Variants in PTPRK observed in about 807,000 individuals in gnomAD.
The protein encoded by PTPRK is receptor-type tyrosine-protein phosphatase kappa.
A neutral mutation model predicts 178.0 loss-of-function variants in PTPRK; 75 were observed. The observed-to-expected ratio is 0.42, with a 90% CI of 0.35 to 0.51. The LOEUF is 0.51. Ranked by LOEUF, PTPRK falls within the 20% of genes least tolerant of loss-of-function variation. PTPRK has a pLI of 0.02. For synonymous variants in PTPRK, 637 were observed against 620.6 expected (o/e 1.03, Z -0.39); for missense variants, 1,441 against 1,797.8 (o/e 0.80, Z 3.59).
At chr6:127,986,621 G>C (rs945599721) in intron 21 of PTPRK, among the ~76,000 whole-genome samples, 24 of 152,024 alleles carry the variant, frequency 1.6e-4, no homozygotes, top group African/African-American at 2.4e-5. Context: ...GCACAGCTTG[G>C]AAGGTATAGA....
At chr6:128,373,694 C>A (rs941176034) in intron 2 of PTPRK, among the ~76,000 whole-genome samples, 2 of 151,904 alleles carry the variant, frequency 1.3e-5, no homozygotes, top group Non-Finnish European at 2.9e-5. Flanking sequence ...GGTAACTATG[C>A]GATCAATATG....
intron 11 of PTPRK, among the ~76,000 whole-genome samples, 183 bp downstream of exon 11, chr6:128,078,630 T>C (rs1421864800): frequency 6.6e-6 from 1 of 152,088 alleles, no homozygotes; most frequent in Admixed American, 6.6e-5. Context: ...TTATTGATTG[T>C]TGTGAATCTC....
chr6:128,041,160 G>A (rs190969921), intron 13 of PTPRK, among the ~76,000 whole-genome samples: 53 of 151,920 alleles, frequency 3.5e-4, no homozygotes, highest in African/African-American at 1.2e-3. Flanking sequence ...TGAGAAAACC[G>A]ATCACACAAA....
intron 3 of PTPRK, among the ~76,000 whole-genome samples, chr6:128,268,495 T>C (rs1309665516): frequency 6.6e-6 from 1 of 152,002 alleles, no homozygotes; most frequent in Admixed American, 6.6e-5. Context: ...GATTTCGCCT[T>C]TCTTGGGAAT....
chr6:128,393,558 C>T lies in PTPRK; in HGVS notation c.223+4008G>A, dbSNP rs186483104. 1.9e-4 allele frequency among the ~76,000 whole-genome samples: 29 copies of T among 152,154 alleles called. No individual in the cohort carries two copies. In the East Asian group the frequency reaches 2.7e-3, roughly 14 times the overall value. ...GAAAATCTTCTCAAAGCAGGTAGAACGTGAGAAGACACAGTAAAAATGGGT... is the reference window on the plus strand; with the variant it reads ...GAAAATCTTCTCAAAGCAGGTAGAATGTGAGAAGACACAGTAAAAATGGGT... On this transcript the variant is annotated intron_variant, in intron 2 of 29. Coordinates refer to ENST00000368226, the MANE Select transcript of PTPRK (RefSeq NM_002844.4).
At chr6:128,417,175 A>T (rs973899424) in intron 1 of PTPRK, among the ~76,000 whole-genome samples, 2 of 151,654 alleles carry the variant, frequency 1.3e-5, no homozygotes, top group African/African-American at 4.8e-5. Flanking sequence ...TTGAGCTAAC[A>T]TTTACGTTTT....
intron 13 of PTPRK, among the ~76,000 whole-genome samples, chr6:128,030,685 T>G (rs573111769): frequency 1.3e-5 from 2 of 152,360 alleles, no homozygotes; most frequent in South Asian, 4.1e-4. Flanking sequence ...GCTGATCAGA[T>G]AGCAGCTGGA....
Position 128,226,753 on chromosome 6 carries a change from TATATAGAC to T in PTPRK, c.694-7665_694-7658del, listed in dbSNP as rs1811367997. ...ATCCTACTATATGTAATCTTATAATTATATAGACATATATATATATATATATATATATA... is the reference window on the plus strand; with the variant it reads ...ATCCTACTATATGTAATCTTATAATTATATATATATATATATATATATATA... On this transcript the variant is annotated intron_variant, in intron 5 of 29. Coordinates refer to ENST00000368226, the MANE Select transcript of PTPRK (RefSeq NM_002844.4). 1.1e-4 allele frequency among the ~76,000 whole-genome samples: 11 copies of T among 95,952 alleles called. 1 individual carries two copies. The Admixed American group carries it at 1.5e-3, about 13-fold the overall frequency. 62.9% of individuals were successfully genotyped at this position (95,952 alleles called of 152,430 possible). A position where few individuals can be genotyped will look rare whatever the true frequency, so the allele number is the denominator to read the frequency against.
At chr6:128,159,220 C>T (rs1177862498) in intron 7 of PTPRK, among the ~76,000 whole-genome samples, 1 of 151,668 alleles carries the variant, frequency 6.6e-6, no homozygotes, top group Non-Finnish European at 1.5e-5. Flanking sequence ...AATTCTGAAA[C>T]CTAAATGATC....
chr6:128,351,929 T>G (rs1275706342), intron 2 of PTPRK, among the ~76,000 whole-genome samples: 1 of 152,056 alleles, frequency 6.6e-6, no homozygotes, highest in Non-Finnish European at 1.5e-5. Context: ...ATTTTTCTAT[T>G]GGGCCTTCTG....
intron 7 of PTPRK, among the ~76,000 whole-genome samples, chr6:128,172,063 G>A (rs1206734768): frequency 6.6e-6 from 1 of 151,834 alleles, no homozygotes; most frequent in Non-Finnish European, 1.5e-5. Flanking sequence ...TTAAAAATGG[G>A]CTTACTGGTT....
chr6:128,184,670 C>T lies in PTPRK; in HGVS notation c.924G>A (p.Leu308=). 6.2e-7 allele frequency: 1 copy of T among 1,613,944 alleles called. No individual in the cohort carries two copies. The highest frequency in any genetic ancestry group is 8.5e-7 in the Non-Finnish European group (1 of 1,179,936). Residue 308 remains leucine, a synonymous_variant, in exon 7 of 30, where the codon TTG becomes TTA. Transcript: ENST00000368226. ...PQLLGVGPTY[L]LIQLNANSII... is the part of the protein sequence containing the mutation. ...TCGAGTTGGCATTTAGTTGGATCAGCAAATATGTAGGCCCAACACCAAGAA... is the reference window on the plus strand; with the variant it reads ...TCGAGTTGGCATTTAGTTGGATCAGTAAATATGTAGGCCCAACACCAAGAA...
intron 25 of PTPRK, among the ~76,000 whole-genome samples, chr6:127,979,605 G>A (rs1295093889): frequency 6.6e-6 from 1 of 152,200 alleles, no homozygotes; most frequent in Admixed American, 6.5e-5. Flanking sequence ...GCTTTTCACA[G>A]GCAAGAGTGA....
At chr6:128,117,171 T>A (rs975037040) in intron 7 of PTPRK, among the ~76,000 whole-genome samples, 1 of 151,766 alleles carries the variant, frequency 6.6e-6, no homozygotes, top group Non-Finnish European at 1.5e-5. Context: ...AAAATAAAAA[T>A]AAAAAATAAA....
At position 128,020,365 on chromosome 6, in the gene PTPRK, A is replaced by G. The variant is rs191858184; in HGVS notation, c.2195-11097T>C. On this transcript the variant is annotated intron_variant, in intron 13 of 29. Coordinates refer to ENST00000368226, the MANE Select transcript of PTPRK (RefSeq NM_002844.4). ...GTAAGCTACAGAACAACTAAACCTG[A>G]CCCAAAATGAAATTGTTCTGAAATG... Among the ~76,000 whole-genome samples the G allele has an allele frequency of 4.6e-4, 70 of 152,262 alleles. 1 individual carries two copies. Among genetic ancestry groups the G allele is most frequent in the African/African-American group, 1.6e-3 (65 of 41,558 alleles).
In PTPRK at chr6:128,096,257, C is replaced by T. The variant is rs1276142722; in HGVS notation, c.1163-6265G>A. On this transcript the variant is annotated intron_variant, in intron 7 of 29. Coordinates refer to ENST00000368226, the MANE Select transcript of PTPRK (RefSeq NM_002844.4). ...CTTGATAGGCTAAAATGAAGAAGTA[C>T]TTAATAATTCTCTAAAGGTTAATAA... Among the ~76,000 whole-genome samples, 22 of 152,038 alleles carry T rather than the reference C, an allele frequency of 1.4e-4. 2 individuals are homozygous for T. The highest frequency in any genetic ancestry group is 2.9e-5 in the Non-Finnish European group (2 of 68,010).
intron 7 of PTPRK, among the ~76,000 whole-genome samples, chr6:128,105,993 A>C (rs1789658602): frequency 6.6e-6 from 1 of 152,198 alleles, no homozygotes; most frequent in Non-Finnish European, 1.5e-5. Context: ...AAAAGGTCAT[A>C]CATGTATATG....
intron 1 of PTPRK, among the ~76,000 whole-genome samples, chr6:128,488,270 T>C (rs1853257370): frequency 6.6e-6 from 1 of 152,230 alleles, no homozygotes. Flanking sequence ...TTCCACTTTC[T>C]TCTGCCTGCT....
intron 13 of PTPRK, among the ~76,000 whole-genome samples, chr6:128,059,779 A>G (rs1165743389): frequency 6.6e-6 from 1 of 152,174 alleles, no homozygotes; most frequent in Non-Finnish European, 1.5e-5. Context: ...TGCTTGAATC[A>G]TCTTCAGGTC....
Sources: allele counts gnomAD v4.1 joint callset (sites outside exome capture counted in the v4.1 genomes callset), GRCh38; gene constraint gnomAD v4.1.1; transcripts MANE v1.5; gene names NCBI Gene and HGNC (gene_info 2026-07-23, HGNC 2026-07-21).